The following UGT1A4 variants were observed in gnomAD, a reference collection of about 807,000 sequenced individuals.
UGT1A4 encodes UDP-glucuronosyltransferase 1A4.
A neutral mutation model predicts 41.1 loss-of-function variants in UGT1A4; 32 were observed. The observed-to-expected ratio is 0.78, with a 90% CI of 0.59 to 1.05. UGT1A4 has a LOEUF of 1.05. Ranked by LOEUF, UGT1A4 falls within the 50% of genes least tolerant of loss-of-function variation. UGT1A4 has a pLI of 0.00. For missense variants in UGT1A4, 748 were observed against 677.4 expected, an observed-to-expected ratio of 1.10 and a Z score of -1.16; for synonymous variants, 283 against 265.1, an observed-to-expected ratio of 1.07 and a Z score of -0.66.
chr2:233,731,692 C>A (rs936290602), intron 1 of UGT1A4, among the ~76,000 whole-genome samples: 1 of 152,182 alleles, frequency 6.6e-6, no homozygotes. Context: ...CATTGATGGA[C>A]ATTTGGATTG....
At chr2:233,751,910 A>T (rs1006806920) in intron 1 of UGT1A4, among the ~76,000 whole-genome samples, 1 of 152,180 alleles carries the variant, frequency 6.6e-6, no homozygotes. Flanking sequence ...AGAACAGACT[A>T]ATACAAGATT....
chr2:233,760,579 A>T lies in UGT1A4; in HGVS notation c.868-6455A>T. 1.2e-6 allele frequency: 2 copies of T among 1,614,220 alleles called. No homozygotes were observed. Among genetic ancestry groups the T allele is most frequent in the Non-Finnish European group, 1.7e-6 (2 of 1,180,050 alleles). On this transcript the variant is annotated intron_variant, in intron 1 of 4. Transcript: ENST00000373409. ...AGAGTCTTTTGTTAGTCTCGGGCATAATGTTTTTGAGAATGATTCTTTCCT... is the reference window on the plus strand; with the variant it reads ...AGAGTCTTTTGTTAGTCTCGGGCATTATGTTTTTGAGAATGATTCTTTCCT...
Position 233,719,497 on chromosome 2 carries a change from C to T in UGT1A4, c.677C>T (p.Thr226Ile), listed in dbSNP as rs774203287. ...CTGGCCCTGTCCTACATTTGCCATA[C>T]TTTTTCTGCCCCTTATGCAAGTCTT... ...YPLALSYICH[T>I]FSAPYASLAS... is the part of the protein sequence containing the mutation. Residue 226 changes from threonine (T) to isoleucine (I), a missense_variant, in exon 1 of 5, where the codon ACT becomes ATT. Physicochemically the swap from Thr to Ile is moderately conservative, Grantham distance 89. Transcript: ENST00000373409. The T allele has an allele frequency of 1.2e-6, 2 of 1,613,882 alleles. No homozygotes were observed. Among genetic ancestry groups the T allele is most frequent in the African/African-American group, 2.7e-5 (2 of 74,924 alleles).
At chr2:233,740,937 T>A (rs1575638428) in intron 1 of UGT1A4, 2 of 146,280 alleles carry the variant, frequency 1.4e-5, no homozygotes, top group Admixed American at 6.8e-5. Context: ...GTTTTTTTTT[T>A]AATTAGCTAG....
Position 233,769,129 on chromosome 2 carries a change from C to T in UGT1A4, c.1307+690C>T, listed in dbSNP as rs1228379721. Among the ~76,000 whole-genome samples, 1 of 152,120 alleles carries T rather than the reference C, an allele frequency of 6.6e-6. No homozygotes were observed. The highest frequency in any genetic ancestry group is 1.9e-4 in the East Asian group (1 of 5,198). On this transcript the variant is annotated intron_variant, in intron 4 of 4. Coordinates refer to ENST00000373409, the MANE Select transcript of UGT1A4 (RefSeq NM_007120.3). This position sits in a 1 kb window ranked among gnomAD's most constrained non-coding sequence, Gnocchi z 4.4. ...AAAACAACTCAAATGCTTAGAAGTA[C>T]AGCTTTTTGCAGCACTGGAACCTGT...
chr2:233,768,483 T>A (rs373208475), intron 4 of UGT1A4, 44 bp downstream of exon 4: 16 of 1,586,602 alleles, frequency 1.0e-5, no homozygotes, highest in Non-Finnish European at 1.4e-5. Flanking sequence ...ATGGCATTCA[T>A]GATAAAATTG....
At chr2:233,743,832 T>G (rs569722093) in intron 1 of UGT1A4, 26 of 1,367,252 alleles carry the variant, frequency 1.9e-5, no homozygotes, top group South Asian at 9.1e-5. Context: ...GGGTGCCACT[T>G]GAGCGCCAGC....
chr2:233,753,256 C>T (rs1695165978), intron 1 of UGT1A4: 1 of 152,214 alleles, frequency 6.6e-6, no homozygotes, highest in African/African-American at 2.4e-5. Flanking sequence ...AGCAACTACC[C>T]AGGCACCTTG....
intron 1 of UGT1A4, chr2:233,743,575 G>A (rs1692358065): frequency 7.3e-7 from 1 of 1,367,206 alleles, no homozygotes; most frequent in East Asian, 4.5e-5. Flanking sequence ...GGTTTCCCAA[G>A]AGGTCAAAGG....
chr2:233,746,330 C>T (rs1183707871), intron 1 of UGT1A4, among the ~76,000 whole-genome samples: 1 of 151,730 alleles, frequency 6.6e-6, no homozygotes, highest in African/African-American at 2.4e-5. Context: ...ATCTACAGGG[C>T]AATGGACATG....
chr2:233,735,459 T>C (rs1405136849), intron 1 of UGT1A4, among the ~76,000 whole-genome samples: 1 of 152,220 alleles, frequency 6.6e-6, no homozygotes, highest in African/African-American at 2.4e-5. Context: ...CTTGACTCTT[T>C]ATCCAATTTG....
At chr2:233,730,703 G>A (rs1238430007) in intron 1 of UGT1A4, among the ~76,000 whole-genome samples, 8 of 152,058 alleles carry the variant, frequency 5.3e-5, no homozygotes, top group Non-Finnish European at 8.8e-5. Flanking sequence ...TCTTCTACTT[G>A]GAATGCTGAA....
At chr2:233,737,798 AC>A (rs2125811044) in intron 1 of UGT1A4, among the ~76,000 whole-genome samples, 1 of 151,388 alleles carries the variant, frequency 6.6e-6, no homozygotes, top group African/African-American at 2.4e-5. Flanking sequence ...TCAAATCTTC[AC>A]TATCATCTCA....
At chr2:233,735,659 T>C (rs1049518793) in intron 1 of UGT1A4, among the ~76,000 whole-genome samples, 2 of 152,208 alleles carry the variant, frequency 1.3e-5, no homozygotes, top group African/African-American at 2.4e-5. Context: ...TGGTGTTTCT[T>C]TCCATGTTTA....
At chr2:233,754,372 G>A (rs994818909) in intron 1 of UGT1A4, 3 of 279,470 alleles carry the variant, frequency 1.1e-5, no homozygotes, top group East Asian at 9.0e-5. Flanking sequence ...TACAATGATC[G>A]AAAGACAAAC....
intron 4 of UGT1A4, among the ~76,000 whole-genome samples, chr2:233,768,754 T>C (rs899936789): frequency 6.6e-6 from 1 of 151,960 alleles, no homozygotes; most frequent in Non-Finnish European, 1.5e-5. Context: ...GGTTAATTTT[T>C]GTATTTTTTA....
At position 233,760,643 on chromosome 2, in the gene UGT1A4, A is replaced by G. The variant is rs534521374; in HGVS notation, c.868-6391A>G. On this transcript the variant is annotated intron_variant, in intron 1 of 4. Coordinates refer to ENST00000373409, the MANE Select transcript of UGT1A4 (RefSeq NM_007120.3). ...AAAACATACAAGAAAATAAAAAAGG[A>G]CTCTGCTATGCTTTTGTCTGGCTGT... 5.0e-6 allele frequency: 8 copies of G among 1,614,148 alleles called. No individual in the cohort carries two copies. The South Asian group carries it at 8.8e-5, about 18-fold the overall frequency.
intron 1 of UGT1A4, chr2:233,754,898 C>G: frequency 1.5e-6 from 2 of 1,351,858 alleles, no homozygotes; most frequent in Non-Finnish European, 2.0e-6. Context: ...TCCTCTGACC[C>G]CCCAAAATAT....
At chr2:233,771,903 G>C (rs937853722) in intron 4 of UGT1A4, among the ~76,000 whole-genome samples, 1 of 151,428 alleles carries the variant, frequency 6.6e-6, no homozygotes, top group Non-Finnish European at 1.5e-5. Context: ...AACCTTTCAG[G>C]TGATAATAGT....
Sources: gnomAD v4.1 joint callset for allele counts (sites outside exome capture counted in the v4.1 genomes callset) on GRCh38, gnomAD v4.1.1 for gene constraint, Gnocchi (gnomAD v3.1) non-coding constraint, MANE v1.5 for transcripts, NCBI Gene and HGNC (gene_info 2026-07-23, HGNC 2026-07-21) for gene names.